Variants in ITPK1 observed in about 807,000 individuals in gnomAD.
The protein encoded by ITPK1 is inositol-tetrakisphosphate 1-kinase, also known as inositol 1,3,4-trisphosphate 5/6-kinase.
A neutral mutation model predicts 45.3 loss-of-function variants in ITPK1; 21 were observed. That is an observed-to-expected ratio of 0.46 (90% CI 0.33 to 0.67). ITPK1 has a LOEUF of 0.67. Among genes scored for constraint, ITPK1 ranks in the 30% least tolerant of loss-of-function variants. The pLI, the probability that ITPK1 is intolerant of heterozygous loss-of-function variation, is 0.02. For missense variants in ITPK1, 474 were observed against 573.5 expected (o/e 0.83, Z 1.77); for synonymous variants, 258 against 253.6 (o/e 1.02, Z -0.16).
intron 2 of ITPK1, among the ~76,000 whole-genome samples, chr14:93,084,389 C>T (rs1891569745): frequency 6.6e-6 from 1 of 152,106 alleles, no homozygotes; most frequent in South Asian, 2.1e-4. Context: ...AGGAAAGGGC[C>T]CCTGTAATGC....
At chr14:92,994,385 G>A (rs1566722354) in intron 4 of ITPK1, among the ~76,000 whole-genome samples, 1 of 152,190 alleles carries the variant, frequency 6.6e-6, no homozygotes, top group African/African-American at 2.4e-5. Flanking sequence ...ATGAGGCCAG[G>A]AGTCATCAGA....
Position 92,946,381 on chromosome 14 carries a change from A to T in ITPK1, c.851T>A (p.Ile284Asn). 6.2e-7 allele frequency: 1 copy of T among 1,613,452 alleles called. No homozygotes were observed. The highest frequency in any genetic ancestry group is 8.5e-7 in the Non-Finnish European group (1 of 1,180,012). ...GVSLFGIDII[I>N]NNQTGQHAVI... Reference sequence around the variant, plus strand: ...GGCGTGCTGCCCTGTCTGGTTGTTGATGATGATGTCGATGCCGAAGAGTGA... The same window carrying T: ...GGCGTGCTGCCCTGTCTGGTTGTTGTTGATGATGTCGATGCCGAAGAGTGA... The change falls in exon 10 of 11, where the codon ATC becomes AAC. Residue 284 changes from isoleucine to asparagine, a missense_variant. By Grantham distance (149) the Ile-to-Asn change is moderately radical. Coordinates refer to ENST00000267615, the MANE Select transcript of ITPK1 (RefSeq NM_014216.6).
intron 3 of ITPK1, among the ~76,000 whole-genome samples, chr14:93,038,198 C>T (rs140479456): frequency 1.3e-5 from 2 of 152,224 alleles, no homozygotes; most frequent in Non-Finnish European, 1.5e-5. Flanking sequence ...TCACACCCAG[C>T]TAACTTTTGT....
Position 93,115,169 on chromosome 14 carries a change from T to C in ITPK1, c.-6A>G. 1 of 1,595,124 alleles carries C rather than the reference T, an allele frequency of 6.3e-7. No individual in the cohort carries two copies. Among genetic ancestry groups the C allele is most frequent in the East Asian group, 2.3e-5 (1 of 43,624 alleles). On this transcript the variant is annotated 5_prime_UTR_variant, in exon 2 of 11. Coordinates refer to ENST00000267615, the MANE Select transcript of ITPK1 (RefSeq NM_014216.6). ...CCTTTCAGAAAGGTCTGCATCTTCC[T>C]CCTCGGGCGGGGAGCCTGGGTCCGG...
chr14:93,094,858 A>C (rs924676336), intron 2 of ITPK1, among the ~76,000 whole-genome samples: 4 of 152,188 alleles, frequency 2.6e-5, no homozygotes, highest in African/African-American at 9.7e-5. Context: ...CCGGCCCTAC[A>C]TGCCCAGAGT....
intron 2 of ITPK1, among the ~76,000 whole-genome samples, chr14:93,108,974 C>T (rs1892633666): frequency 6.6e-6 from 1 of 152,210 alleles, no homozygotes; most frequent in Admixed American, 6.5e-5. Flanking sequence ...GATCGTGCCA[C>T]TGCACTCCAG....
chr14:92,970,638 ATT>A (rs796634667), intron 5 of ITPK1, among the ~76,000 whole-genome samples: 5 of 143,696 alleles, frequency 3.5e-5, no homozygotes, highest in Admixed American at 6.9e-5. Flanking sequence ...TCGCAGCATC[ATT>A]TTTTTTTTTT....
intron 3 of ITPK1, among the ~76,000 whole-genome samples, chr14:93,047,273 C>T (rs566375170): frequency 8.5e-5 from 13 of 152,224 alleles, no homozygotes; most frequent in Non-Finnish European, 1.5e-4. Flanking sequence ...GCAAGTGATA[C>T]AGTCCTGGCC....
chr14:92,963,680 C>T (rs1885202233), intron 5 of ITPK1, among the ~76,000 whole-genome samples: 1 of 152,240 alleles, frequency 6.6e-6, no homozygotes. Context: ...TTCCTAAAAC[C>T]CTCAAAAGCT....
chr14:93,104,343 G>A (rs944428876), intron 2 of ITPK1, among the ~76,000 whole-genome samples: 6 of 152,044 alleles, frequency 3.9e-5, no homozygotes, highest in Non-Finnish European at 8.8e-5. Context: ...ACAAAAATTT[G>A]CTGGGTGTGA....
chr14:93,041,058 G>A (rs776362265), intron 3 of ITPK1, among the ~76,000 whole-genome samples: 10 of 152,268 alleles, frequency 6.6e-5, no homozygotes, highest in South Asian at 4.1e-4. Context: ...GGTTGGTCTC[G>A]TATATACGAC....
chr14:93,007,852 C>T (rs1256621096), intron 4 of ITPK1, among the ~76,000 whole-genome samples: 8 of 152,248 alleles, frequency 5.3e-5, no homozygotes, highest in Non-Finnish European at 1.0e-4. Context: ...ATGGGCAGGG[C>T]CCCTTCCTCC....
rs1468925954 is a variant in ITPK1 at position 93,016,870 on chromosome 14, T to G, written c.121-69A>C. The stretch of plus-strand genomic sequence containing the variant: ...TGAGTCCACTGCCCCCATCCTCTTG[T>G]CCACCCTGGGGCATATCACCAGAGG... On this transcript the variant is annotated intron_variant, in intron 3 of 10. Coordinates refer to ENST00000267615, the MANE Select transcript of ITPK1 (RefSeq NM_014216.6). This position sits in a 1 kb window ranked among gnomAD's most constrained non-coding sequence, Gnocchi z 5.0. 9.4e-6 allele frequency: 15 copies of G among 1,591,418 alleles called. No homozygotes were observed. The highest frequency in any genetic ancestry group is 1.3e-5 in the Non-Finnish European group (15 of 1,168,430).
At chr14:93,074,428 C>T (rs779694432) in intron 3 of ITPK1, among the ~76,000 whole-genome samples, 20 of 152,242 alleles carry the variant, frequency 1.3e-4, no homozygotes, top group Non-Finnish European at 2.8e-4. Flanking sequence ...CCGCCGACCC[C>T]TGTCCATCTC....
intron 3 of ITPK1, among the ~76,000 whole-genome samples, chr14:93,030,317 G>C (rs917173813): frequency 1.3e-5 from 2 of 152,178 alleles, no homozygotes; most frequent in African/African-American, 4.8e-5. Context: ...AACCGTTACT[G>C]CTTCATGAAT....
At chr14:92,956,815 G>C (rs1410005382) in intron 8 of ITPK1, among the ~76,000 whole-genome samples, 1 of 152,004 alleles carries the variant, frequency 6.6e-6, no homozygotes, top group Non-Finnish European at 1.5e-5. Flanking sequence ...GCCTCTTCCA[G>C]CCCATAACTT....
intron 4 of ITPK1, among the ~76,000 whole-genome samples, chr14:92,997,865 C>A (rs1027992345): frequency 6.6e-6 from 1 of 152,196 alleles, no homozygotes; most frequent in Non-Finnish European, 1.5e-5. Flanking sequence ...CAAGCTCTCT[C>A]AGGGTTTTCA....
chr14:92,965,010 C>T (rs2139748309), intron 5 of ITPK1, among the ~76,000 whole-genome samples: 1 of 152,342 alleles, frequency 6.6e-6, no homozygotes, highest in South Asian at 2.1e-4. Context: ...AACTAGGGCA[C>T]AGAGGTGGCA....
At chr14:93,068,983 ACC>A (rs369048168) in intron 3 of ITPK1, 2 of 152,246 alleles carry the variant, frequency 1.3e-5, no homozygotes, top group Non-Finnish European at 2.9e-5. Flanking sequence ...CTCCTCCTGC[ACC>A]CCCATGCCCA....
Sources: gnomAD v4.1 joint callset for allele counts (sites outside exome capture counted in the v4.1 genomes callset) on GRCh38, gnomAD v4.1.1 for gene constraint, Gnocchi (gnomAD v3.1) non-coding constraint, MANE v1.5 for transcripts, NCBI Gene and HGNC (gene_info 2026-07-23, HGNC 2026-07-21) for gene names.